The following TBC1D5 variants were observed in gnomAD, a reference collection of about 807,000 sequenced individuals.
The protein encoded by TBC1D5 is TBC1 domain family member 5, also known as TBC1 domain family, member 5.
A neutral mutation model predicts 100.3 loss-of-function variants in TBC1D5; 75 were observed. The ratio of observed to expected loss-of-function variants is 0.75; its 90% confidence interval spans 0.62 to 0.91. The LOEUF (loss-of-function observed/expected upper bound fraction) is 0.91. Among genes scored for constraint, TBC1D5 ranks in the 40% least tolerant of loss-of-function variants. The pLI is 0.00. For synonymous variants in TBC1D5, 323 were observed against 325.6 expected (o/e 0.99, Z 0.09); for missense variants, 910 against 942.4 (o/e 0.97, Z 0.45).
intron 13 of TBC1D5, among the ~76,000 whole-genome samples, chr3:17,314,475 C>T (rs2084419374): frequency 6.6e-6 from 1 of 152,126 alleles, no homozygotes; most frequent in Non-Finnish European, 1.5e-5. Flanking sequence ...TCTCAGGAAC[C>T]TTCCCCTTTC....
intron 1 of TBC1D5, among the ~76,000 whole-genome samples, chr3:17,686,353 A>G (rs1374934081): frequency 6.6e-6 from 1 of 152,174 alleles, no homozygotes; most frequent in East Asian, 1.9e-4. Flanking sequence ...CCAAGTTATG[A>G]TAGCTGTTCC....
intron 20 of TBC1D5, 141 bp from the exon 22 acceptor site, chr3:17,167,069 AC>A (rs1374307754): frequency 1.1e-6 from 1 of 877,070 alleles, no homozygotes; most frequent in Non-Finnish European, 1.6e-6. Context: ...ACTATAAGAA[AC>A]AAATAATGAG....
rs563377419 is a variant in TBC1D5, at chr3:17,715,054, T to C, written c.-101+24289A>G. 2.0e-5 allele frequency among the ~76,000 whole-genome samples: 3 copies of C among 152,374 alleles called. No homozygotes were observed. In the East Asian group the frequency reaches 5.8e-4, roughly 29 times the overall value. ...TACCTCTTATGTATTATCAGAATTA[T>C]CACAGAATATACATTAAAATGAATT... On this transcript the variant is annotated intron_variant, in intron 1 of 21. Transcript: ENST00000253692.
chr3:17,186,164 G>T (rs1339924249), intron 18 of TBC1D5, among the ~76,000 whole-genome samples: 1 of 151,276 alleles, frequency 6.6e-6, no homozygotes, highest in East Asian at 1.9e-4. Flanking sequence ...TCCAGTCTTA[G>T]ATCTACTTGT....
intron 17 of TBC1D5, among the ~76,000 whole-genome samples, chr3:17,214,952 C>T (rs1180893116): frequency 1.3e-5 from 2 of 152,020 alleles, no homozygotes; most frequent in South Asian, 4.1e-4. Flanking sequence ...GCAGGATCTT[C>T]GGTGTTCAAG....
At chr3:17,615,250 G>T (rs1051293623) in intron 2 of TBC1D5, among the ~76,000 whole-genome samples, 1 of 152,200 alleles carries the variant, frequency 6.6e-6, no homozygotes, top group African/African-American at 2.4e-5. Context: ...GATCGTGGTG[G>T]ATAAACTTTT....
chr3:17,236,793 G>A (rs1305421491), intron 17 of TBC1D5, among the ~76,000 whole-genome samples: 1 of 151,830 alleles, frequency 6.6e-6, no homozygotes, highest in East Asian at 1.9e-4. Flanking sequence ...TCTTATGCAT[G>A]GTAATTTGAA....
chr3:17,593,440 C>T (rs1040365794), intron 2 of TBC1D5, among the ~76,000 whole-genome samples: 1 of 152,196 alleles, frequency 6.6e-6, no homozygotes, highest in African/African-American at 2.4e-5. Context: ...GAGACCAACA[C>T]TGAGCCCTCG....
chr3:17,371,830 G>A (rs1488219335), intron 13 of TBC1D5, among the ~76,000 whole-genome samples: 2 of 152,096 alleles, frequency 1.3e-5, no homozygotes, highest in African/African-American at 2.4e-5. Context: ...GCAAGCTCAG[G>A]AATTCAAGGG....
chr3:17,558,359 C>G (rs2153465815), intron 2 of TBC1D5, among the ~76,000 whole-genome samples: 1 of 151,948 alleles, frequency 6.6e-6, no homozygotes, highest in South Asian at 2.1e-4. Flanking sequence ...GTAATAATTG[C>G]CAAGACTGTC....
chr3:17,637,677 T>G (rs965566292), intron 1 of TBC1D5, among the ~76,000 whole-genome samples: 4 of 152,002 alleles, frequency 2.6e-5, no homozygotes, highest in African/African-American at 9.7e-5. Context: ...CAAATAAAAA[T>G]AAGTTAATTT....
chr3:17,167,767 G>T, exon 20 of TBC1D5: 1 of 1,613,374 alleles, frequency 6.2e-7, no homozygotes, highest in Non-Finnish European at 8.5e-7. Flanking sequence ...ATCCTGCCAG[G>T]GAAACCAGAA....
rs550902230 is a variant in TBC1D5 at position 17,683,749 on chromosome 3, T to C, written c.-101+55594A>G. Among the ~76,000 whole-genome samples, 40 of 152,290 alleles carry C rather than the reference T, an allele frequency of 2.6e-4. No individual in the cohort carries two copies. The South Asian group carries it at 7.9e-3, about 30-fold the overall frequency. On this transcript the variant is annotated intron_variant, in intron 1 of 21. Transcript: ENST00000253692. ...AAGCTACTTAACATCTCTAAGTCTC[T>C]ATTTCTTCAACTCGAAAATGAACAG... is the stretch of plus-strand genomic sequence containing the variant.
chr3:17,668,232 G>C (rs2067506809), intron 1 of TBC1D5, among the ~76,000 whole-genome samples: 1 of 150,252 alleles, frequency 6.7e-6, no homozygotes, highest in East Asian at 1.9e-4. Flanking sequence ...AAATGTGTAT[G>C]AGCTGAGAAA....
At chr3:17,537,796 T>A (rs1424941698) in intron 2 of TBC1D5, among the ~76,000 whole-genome samples, 2 of 152,184 alleles carry the variant, frequency 1.3e-5, no homozygotes, top group Non-Finnish European at 2.9e-5. Context: ...ATTTTGTCTA[T>A]CCATCCAGCT....
intron 17 of TBC1D5, among the ~76,000 whole-genome samples, chr3:17,218,315 T>C (rs768237062): frequency 6.6e-6 from 1 of 152,006 alleles, no homozygotes; most frequent in Non-Finnish European, 1.5e-5. Context: ...AGGGGTGCTT[T>C]GCATTTCCAT....
At chr3:17,454,124 CA>C (rs1456592284) in intron 3 of TBC1D5, among the ~76,000 whole-genome samples, 6 of 152,034 alleles carry the variant, frequency 3.9e-5, no homozygotes, top group Non-Finnish European at 5.9e-5. Flanking sequence ...CATATCTCAA[CA>C]TAATAAAAGC....
At chr3:17,720,026 T>A (rs532765053) in intron 1 of TBC1D5, among the ~76,000 whole-genome samples, 75 of 152,296 alleles carry the variant, frequency 4.9e-4, no homozygotes, top group African/African-American at 1.7e-3. Context: ...TACACAAAAA[T>A]TTGCTCTGCT....
intron 15 of TBC1D5, among the ~76,000 whole-genome samples, chr3:17,263,910 T>TATA (rs1230078104): frequency 6.6e-6 from 1 of 152,162 alleles, no homozygotes; most frequent in Non-Finnish European, 1.5e-5. Context: ...TCGATCTAAG[T>TATA]TATAGTTAAC....
Sources: gnomAD v4.1 joint callset for allele counts (sites outside exome capture counted in the v4.1 genomes callset) on GRCh38, gnomAD v4.1.1 for gene constraint, MANE v1.5 for transcripts, NCBI Gene and HGNC (gene_info 2026-07-23, HGNC 2026-07-21) for gene names.